RAB38: variants seen among roughly 807,000 people sequenced by gnomAD.
RAB38 encodes the protein RAB38, member RAS oncogene family.
Under a neutral mutation model 18.4 loss-of-function variants are expected in RAB38, and 15 were observed. The observed-to-expected ratio is 0.82, with a 90% CI of 0.55 to 1.26. RAB38 has a LOEUF of 1.26. Ranked by LOEUF, RAB38 falls within the 50% of genes most tolerant of loss-of-function variation. The pLI, the probability that RAB38 is intolerant of heterozygous loss-of-function variation, is 0.00. For synonymous variants in RAB38, 101 were observed against 104.4 expected (o/e 0.97, Z 0.20); for missense variants, 294 against 267.4 (o/e 1.10, Z -0.69).
the RAB38 span, among the ~76,000 whole-genome samples, chr11:87,880,897 G>A: frequency 1.3e-5 from 2 of 151,778 alleles, no homozygotes; most frequent in Non-Finnish European, 1.5e-5. Flanking sequence ...GTTCATATGT[G>A]GAATAAATAT....
the RAB38 span, among the ~76,000 whole-genome samples, chr11:88,018,025 T>A: frequency 6.6e-6 from 1 of 152,056 alleles, no homozygotes; most frequent in East Asian, 1.9e-4. Context: ...GAGACATGCC[T>A]TTCACCTTCC....
chr11:87,818,759 TAAA>T, the RAB38 span, among the ~76,000 whole-genome samples: 1 of 152,046 alleles, frequency 6.6e-6, no homozygotes, highest in Non-Finnish European at 1.5e-5. Flanking sequence ...GTAGGAATGT[TAAA>T]AAATAAAATC....
chr11:87,852,392 C>G, the RAB38 span, among the ~76,000 whole-genome samples: 1 of 152,118 alleles, frequency 6.6e-6, no homozygotes, highest in Non-Finnish European at 1.5e-5. Context: ...ATTGTTCTTC[C>G]CGCTTCACAA....
At chr11:87,878,254 C>G in the RAB38 span, among the ~76,000 whole-genome samples, 2,123 of 45,324 alleles carry the variant, frequency 0.047, 182 homozygotes, top group East Asian at 0.19. Context: ...CACCTATCAT[C>G]TATCTATCTA....
chr11:88,056,530 C>T, the RAB38 span, among the ~76,000 whole-genome samples: 3 of 152,064 alleles, frequency 2.0e-5, no homozygotes, highest in Non-Finnish European at 2.9e-5. Flanking sequence ...AGGGGCCCGG[C>T]GCAGTGGCTC....
Position 88,175,442 on chromosome 11 carries a change from G to A in RAB38, c.-58C>T, listed in dbSNP as rs768687293. On this transcript the variant is annotated 5_prime_UTR_variant, in exon 1 of 3. Transcript: ENST00000243662. ...CAGGGAAGCGCAGCCTGGGCTCTGC[G>A]CACGAGAGAGACTTGGGGAGCGCAA... The A allele has an allele frequency of 2.8e-6, 4 of 1,432,464 alleles. No homozygotes were observed. Among genetic ancestry groups the A allele is most frequent in the Admixed American group, 3.6e-5 (2 of 55,290 alleles). The allele number at this position is 1,432,464 out of a possible 1,614,324, so 88.7% of individuals were successfully genotyped here. A position where few individuals can be genotyped will look rare whatever the true frequency, so the allele number is the denominator to read the frequency against.
At chr11:88,134,109 C>G (rs548215726) in intron 2 of RAB38, among the ~76,000 whole-genome samples, 1 of 152,334 alleles carries the variant, frequency 6.6e-6, no homozygotes, top group South Asian at 2.1e-4. Flanking sequence ...TACATAACTA[C>G]TTACTTTACA....
the RAB38 span, among the ~76,000 whole-genome samples, chr11:87,890,046 A>T: frequency 6.6e-6 from 1 of 151,874 alleles, no homozygotes; most frequent in African/African-American, 2.4e-5. Context: ...TGTACAGGAC[A>T]CTACTCCAGT....
chr11:87,835,095 G>C, the RAB38 span, among the ~76,000 whole-genome samples: 1 of 152,130 alleles, frequency 6.6e-6, no homozygotes, highest in Admixed American at 6.6e-5. Context: ...TTAGTTGTCA[G>C]GTTTAGAAAC....
At chr11:88,153,175 G>A (rs984069667) in intron 1 of RAB38, among the ~76,000 whole-genome samples, 1 of 152,190 alleles carries the variant, frequency 6.6e-6, no homozygotes, top group Admixed American at 6.5e-5. Context: ...TCAGACACAT[G>A]TATTTCTCTC....
chr11:87,963,898 G>A, the RAB38 span, among the ~76,000 whole-genome samples: 5 of 152,092 alleles, frequency 3.3e-5, no homozygotes, highest in African/African-American at 7.2e-5. Flanking sequence ...CACGCACATC[G>A]GCCTCCCAAA....
At chr11:88,063,393 C>T in the RAB38 span, among the ~76,000 whole-genome samples, 1 of 152,032 alleles carries the variant, frequency 6.6e-6, no homozygotes, top group Non-Finnish European at 1.5e-5. Context: ...CTACAGCCTT[C>T]AAGGAAGGTA....
the RAB38 span, among the ~76,000 whole-genome samples, chr11:88,022,752 A>G: frequency 1.3e-5 from 2 of 151,992 alleles, no homozygotes; most frequent in African/African-American, 4.8e-5. Context: ...ACAGTATTCC[A>G]TGGTGTATGT....
At chr11:87,937,043 T>C in the RAB38 span, among the ~76,000 whole-genome samples, 1 of 151,996 alleles carries the variant, frequency 6.6e-6, no homozygotes, top group African/African-American at 2.4e-5. Flanking sequence ...ATCCTTGCCT[T>C]ATTCTTGCTT....
At chr11:88,092,380 GAGAGAGA>G in the RAB38 span, among the ~76,000 whole-genome samples, 2 of 30,826 alleles carry the variant, frequency 6.5e-5, no homozygotes, top group African/African-American at 2.2e-4. Flanking sequence ...GAGAGAGAGA[GAGAGAGA>G]GAGAGAGAGA....
the RAB38 span, among the ~76,000 whole-genome samples, chr11:87,861,201 A>G: frequency 3.3e-5 from 5 of 151,928 alleles, no homozygotes; most frequent in African/African-American, 1.2e-4. Flanking sequence ...CCCTAATTGA[A>G]GAAGATGGAT....
At chr11:87,912,762 C>CTTTTTTTTT in the RAB38 span, among the ~76,000 whole-genome samples, 15 of 86,518 alleles carry the variant, frequency 1.7e-4, 1 homozygote, top group African/African-American at 4.0e-4. Context: ...AATTTTCTTT[C>CTTTTTTTTT]TTTCTTTTTT....
At chr11:87,874,770 T>C in the RAB38 span, among the ~76,000 whole-genome samples, 2 of 151,432 alleles carry the variant, frequency 1.3e-5, no homozygotes, top group African/African-American at 2.4e-5. Context: ...CTGTTAAAAA[T>C]ACCTTTTATC....
chr11:87,949,485 G>T, the RAB38 span, among the ~76,000 whole-genome samples: 1 of 152,136 alleles, frequency 6.6e-6, no homozygotes, highest in African/African-American at 2.4e-5. Context: ...TGATGTTAGG[G>T]TGTCAATTTT....
Sources: gnomAD v4.1 joint callset for allele counts (sites outside exome capture counted in the v4.1 genomes callset) on GRCh38, gnomAD v4.1.1 for gene constraint, MANE v1.5 for transcripts, NCBI Gene and HGNC (gene_info 2026-07-23, HGNC 2026-07-21) for gene names.